Variants in ADAMTS3 observed in about 807,000 individuals in gnomAD.
The protein encoded by ADAMTS3 is A disintegrin and metalloproteinase with thrombospondin motifs 3.
Under a neutral mutation model 129.0 loss-of-function variants are expected in ADAMTS3, and 73 were observed. The ratio of observed to expected loss-of-function variants is 0.57; its 90% CI spans 0.47 to 0.69. The LOEUF is 0.69. Ranked by LOEUF, ADAMTS3 falls within the 30% of genes least tolerant of loss-of-function variation. The pLI is 0.00. For missense variants in ADAMTS3, 1,457 were observed against 1,514.5 expected (o/e 0.96, Z 0.63); for synonymous variants, 477 against 510.8 (o/e 0.93, Z 0.89).
chr4:72,282,065 A>G lies in ADAMTS3; in HGVS notation c.*1071T>C, dbSNP rs1346716127. The G allele has an allele frequency of 6.6e-6, 1 of 152,212 alleles. No homozygotes were observed. Among genetic ancestry groups the G allele is most frequent in the African/African-American group, 2.4e-5 (1 of 41,462 alleles). 9.4% of individuals were successfully genotyped at this position (152,212 alleles called of 1,614,324 possible). A position where few individuals can be genotyped will look rare whatever the true frequency, so the allele number is the denominator to read the frequency against. On this transcript the variant is annotated 3_prime_UTR_variant, in exon 22 of 22. Transcript: ENST00000286657. Reference sequence around the variant, plus strand: ...CCTGCCTTCAAAGCCCCAAAGCTCTACTATACTCAAATATCAATTCTAGAC... The same window carrying G: ...CCTGCCTTCAAAGCCCCAAAGCTCTGCTATACTCAAATATCAATTCTAGAC...
intron 3 of ADAMTS3, among the ~76,000 whole-genome samples, chr4:72,490,421 G>T (rs1218567785): frequency 6.6e-6 from 1 of 151,608 alleles, no homozygotes. Flanking sequence ...AAAAATTATT[G>T]CCCAGACTAA....
intron 3 of ADAMTS3, among the ~76,000 whole-genome samples, chr4:72,462,834 T>C (rs1718808599): frequency 6.6e-6 from 1 of 151,938 alleles, no homozygotes; most frequent in African/African-American, 2.4e-5. Flanking sequence ...TCGTAAACAT[T>C]TATAAAGTAA....
At chr4:72,495,514 C>A (rs1190724338) in intron 3 of ADAMTS3, among the ~76,000 whole-genome samples, 2 of 152,122 alleles carry the variant, frequency 1.3e-5, no homozygotes, top group African/African-American at 4.8e-5. Context: ...ATGCAGGAGA[C>A]ACTGACTACC....
intron 16 of ADAMTS3, among the ~76,000 whole-genome samples, chr4:72,304,664 T>C (rs1330604067): frequency 6.6e-6 from 1 of 152,084 alleles, no homozygotes; most frequent in Non-Finnish European, 1.5e-5. Context: ...TAATGTAGTA[T>C]ATATTTATTA....
At chr4:72,501,852 C>T (rs987988530) in intron 3 of ADAMTS3, among the ~76,000 whole-genome samples, 2 of 152,114 alleles carry the variant, frequency 1.3e-5, no homozygotes, top group African/African-American at 4.8e-5. Flanking sequence ...ACAGCTCTTT[C>T]CACATCTATT....
At chr4:72,293,111 A>T (rs1406003820) in intron 19 of ADAMTS3, among the ~76,000 whole-genome samples, 2 of 152,216 alleles carry the variant, frequency 1.3e-5, no homozygotes, top group African/African-American at 2.4e-5. Flanking sequence ...ATGGAAACTA[A>T]CTCAGCAGAT....
intron 4 of ADAMTS3, among the ~76,000 whole-genome samples, chr4:72,412,744 C>T (rs1722212719): frequency 6.6e-6 from 1 of 151,960 alleles, no homozygotes; most frequent in African/African-American, 2.4e-5. Flanking sequence ...TGAGAGGTGA[C>T]AAAAGAACTC....
Position 72,548,779 on chromosome 4 carries a change from C to T in ADAMTS3, c.203G>A (p.Arg68Lys). The T allele has an allele frequency of 6.2e-7, 1 of 1,613,922 alleles. No homozygotes were observed. The highest frequency in any genetic ancestry group is 8.5e-7 in the Non-Finnish European group (1 of 1,179,878). The change falls in exon 3 of 22, where the codon AGG becomes AAG. Residue 68 changes from arginine to lysine, a missense_variant. Physicochemically the swap from Arg to Lys is conservative, Grantham distance 26. Coordinates refer to ENST00000286657, the MANE Select transcript of ADAMTS3 (RefSeq NM_014243.3). ...SHTLSASHKK[R>K]SARDVSSNPE... ...GTTGGAAGACACGTCCCTCGCTGAC[C>T]TCTTTTTGTGACTCGCAGAAAGAGT...
At chr4:72,549,522 T>C (rs1304619008) in intron 2 of ADAMTS3, among the ~76,000 whole-genome samples, 2 of 152,108 alleles carry the variant, frequency 1.3e-5, no homozygotes, top group African/African-American at 2.4e-5. Context: ...TAAATCCAAG[T>C]TGTACTCCTA....
chr4:72,466,683 G>A (rs1455213081), intron 3 of ADAMTS3, among the ~76,000 whole-genome samples: 1 of 152,010 alleles, frequency 6.6e-6, no homozygotes, highest in African/African-American at 2.4e-5. Context: ...TAGGCTCCAT[G>A]TAATCTAATG....
chr4:72,518,981 G>T (rs931345532), intron 3 of ADAMTS3, among the ~76,000 whole-genome samples: 8 of 151,898 alleles, frequency 5.3e-5, no homozygotes, highest in African/African-American at 1.7e-4. Flanking sequence ...GGTACCAGTT[G>T]TTCCTTTCCA....
At chr4:72,373,519 C>CA (rs1192942265) in intron 4 of ADAMTS3, among the ~76,000 whole-genome samples, 1 of 152,080 alleles carries the variant, frequency 6.6e-6, no homozygotes, top group Non-Finnish European at 1.5e-5. Context: ...GAAAAAGAAA[C>CA]AGACACAAAA....
At chr4:72,525,481 T>G (rs1720782791) in intron 3 of ADAMTS3, among the ~76,000 whole-genome samples, 2 of 152,322 alleles carry the variant, frequency 1.3e-5, no homozygotes, top group African/African-American at 4.8e-5. Flanking sequence ...AATAGTTTAA[T>G]CATATTGATA....
chr4:72,290,804 C>A (rs151073481), intron 20 of ADAMTS3, 51 bp downstream of exon 20: 3 of 1,563,340 alleles, frequency 1.9e-6, no homozygotes, highest in South Asian at 1.1e-5. Flanking sequence ...AATATCTACA[C>A]ATGCTTACAC....
intron 13 of ADAMTS3, 120 bp from the exon 14 acceptor site, chr4:72,311,301 C>A: frequency 3.4e-6 from 3 of 884,820 alleles, no homozygotes; most frequent in Non-Finnish European, 4.8e-6. Flanking sequence ...AAAGGAATAC[C>A]GTATAAACAA....
intron 3 of ADAMTS3, among the ~76,000 whole-genome samples, chr4:72,483,300 T>C (rs1560533682): frequency 1.3e-5 from 2 of 152,164 alleles, no homozygotes; most frequent in Admixed American, 6.5e-5. Context: ...CAAGGGAATA[T>C]ACAAATTGTA....
At chr4:72,312,592 T>C (rs1343134665) in intron 12 of ADAMTS3, 126 bp from the exon 13 acceptor site, 18 of 795,342 alleles carry the variant, frequency 2.3e-5, no homozygotes, top group Non-Finnish European at 1.7e-5. Flanking sequence ...AATGAACTCA[T>C]ACTTCCTAAT....
At chr4:72,377,844 T>C (rs1721171793) in intron 4 of ADAMTS3, among the ~76,000 whole-genome samples, 1 of 152,174 alleles carries the variant, frequency 6.6e-6, no homozygotes, top group Non-Finnish European at 1.5e-5. Context: ...TAAAATTTCT[T>C]AGCTCCAAAA....
Position 72,320,697 on chromosome 4 carries a change from C to T in ADAMTS3, c.1102+17G>A. On this transcript the variant is annotated intron_variant, in intron 7 of 21. Coordinates refer to ENST00000286657, the MANE Select transcript of ADAMTS3 (RefSeq NM_014243.3). The stretch of plus-strand genomic sequence containing the variant: ...GTCATGCCCTCAAGTATTTCTTCTA[C>T]ATATTGACAGCAATACCTTGCATTC... The T allele has an allele frequency of 6.2e-7, 1 of 1,609,904 alleles. No individual in the cohort carries two copies. The highest frequency in any genetic ancestry group is 8.5e-7 in the Non-Finnish European group (1 of 1,178,304).
Sources: gnomAD v4.1 joint callset for allele counts (sites outside exome capture counted in the v4.1 genomes callset) on GRCh38, gnomAD v4.1.1 for gene constraint, MANE v1.5 for transcripts, NCBI Gene and HGNC (gene_info 2026-07-23, HGNC 2026-07-21) for gene names.